Variants in CCDC82 observed in about 807,000 individuals in gnomAD.
The protein encoded by CCDC82 is coiled-coil domain containing 82.
A neutral mutation model predicts 60.6 loss-of-function variants in CCDC82; 47 were observed. The observed-to-expected ratio is 0.77, with a 90% CI of 0.61 to 0.99. The LOEUF (loss-of-function observed/expected upper bound fraction) is 0.99, where lower values mean the gene tolerates loss of function less well. CCDC82 is among the 50% of genes least tolerant of loss of function. CCDC82 has a pLI of 0.00. For synonymous variants in CCDC82, 212 were observed against 207.4 expected, an observed-to-expected ratio of 1.02 and a Z score of -0.19; for missense variants, 588 against 633.0, an observed-to-expected ratio of 0.93 and a Z score of 0.76.
intron 7 of CCDC82, among the ~76,000 whole-genome samples, chr11:96,368,023 GTTGGCCAGTCTGGTC>G (rs1865044542): frequency 6.6e-6 from 1 of 152,012 alleles, no homozygotes; most frequent in South Asian, 2.1e-4. Context: ...GTTTCACCAT[GTTGGCCAGTCTGGTC>G]TCAAACTCCT....
chr11:96,375,925 C>T (rs1865546515), intron 5 of CCDC82, among the ~76,000 whole-genome samples: 1 of 152,200 alleles, frequency 6.6e-6, no homozygotes, highest in African/African-American at 2.4e-5. Flanking sequence ...GCTCAGCTCT[C>T]CTTCAGAGCT....
At chr11:96,357,174 T>G (rs12422137) in intron 9 of CCDC82, 1 of 985,270 alleles carries the variant, frequency 1.0e-6, no homozygotes, top group East Asian at 1.1e-4. Context: ...GTGACAAATT[T>G]TGAAATTTCA....
chr11:96,359,209 C>G, intron 8 of CCDC82, 31 bp from the exon 9 acceptor site: 1 of 1,523,002 alleles, frequency 6.6e-7, no homozygotes, highest in East Asian at 2.4e-5. Context: ...TGTTATCTGA[C>G]AACGAATATA....
chr11:96,388,944 T>G (rs1440340307), intron 1 of CCDC82: 1 of 152,186 alleles, frequency 6.6e-6, no homozygotes, highest in Non-Finnish European at 1.5e-5. Context: ...CAAATAAACA[T>G]GGTCTCTGCT....
intron 1 of CCDC82, 114 bp downstream of exon 1, chr11:96,389,730 C>T (rs1406332425): frequency 1.3e-5 from 2 of 152,484 alleles, no homozygotes; most frequent in Non-Finnish European, 2.9e-5. Context: ...GGGAATTTTT[C>T]TCTTAGTCCG....
At position 96,373,446 on chromosome 11, in the gene CCDC82, G is replaced by A. The variant is rs777706734; in HGVS notation, c.1013C>T (p.Thr338Ile). The change falls in exon 6 of 10, where the codon ACT (threonine) becomes ATT (isoleucine). Residue 338 changes from threonine (T) to isoleucine (I), a missense_variant. Thr to Ile is a moderately conservative substitution (Grantham distance 89). Coordinates refer to ENST00000646818, the MANE Select transcript of CCDC82 (RefSeq NM_024725.4). ...NSLYSFSDHY[T>I]HFERVVKALL... ...AGCCTTCACAACTCTTTCAAAATGA[G>A]TATAGTGGTCACTAAAAGAATCTGA... The A allele has an allele frequency of 1.2e-6, 2 of 1,600,866 alleles. No individual in the cohort carries two copies. The highest frequency in any genetic ancestry group is 2.2e-5 in the East Asian group (1 of 44,710).
chr11:96,371,409 C>A (rs1301861334), intron 6 of CCDC82, among the ~76,000 whole-genome samples: 1 of 152,058 alleles, frequency 6.6e-6, no homozygotes, highest in African/African-American at 2.4e-5. Context: ...GGTGAAACCC[C>A]ATCTCTACTA....
At chr11:96,381,604 G>A (rs947817271) in intron 5 of CCDC82, 1 of 151,614 alleles carries the variant, frequency 6.6e-6, no homozygotes, top group African/African-American at 2.4e-5. Flanking sequence ...AGAATTATAG[G>A]AATCATAATA....
At chr11:96,380,039 C>A (rs1435142166) in intron 5 of CCDC82, among the ~76,000 whole-genome samples, 1 of 151,724 alleles carries the variant, frequency 6.6e-6, no homozygotes, top group African/African-American at 2.4e-5. Context: ...GAAGAGCATT[C>A]TGAAAGTGAG....
At position 96,376,055 on chromosome 11, in the gene CCDC82, T is replaced by C. The variant is rs149579633; in HGVS notation, c.992-2588A>G. 2.6e-5 allele frequency among the ~76,000 whole-genome samples: 4 copies of C among 152,344 alleles called. No homozygotes were observed. The East Asian group carries it at 7.7e-4, about 29-fold the overall frequency. On this transcript the variant is annotated intron_variant, in intron 5 of 9. Coordinates refer to ENST00000646818, the MANE Select transcript of CCDC82 (RefSeq NM_024725.4). The stretch of plus-strand genomic sequence containing the variant: ...TTTTCCCCATGACTATTTAAAAAAC[T>C]GGAAAAAGTATTAAAGAGGAAACTA...
chr11:96,376,277 A>G (rs954617679), intron 5 of CCDC82, among the ~76,000 whole-genome samples: 2 of 152,150 alleles, frequency 1.3e-5, no homozygotes, highest in African/African-American at 4.8e-5. Flanking sequence ...ATTGTTTTGC[A>G]AAGTTTAACC....
At chr11:96,367,820 CTTT>C (rs777554159) in intron 7 of CCDC82, among the ~76,000 whole-genome samples, 11 of 122,718 alleles carry the variant, frequency 9.0e-5, no homozygotes, top group Admixed American at 1.8e-4. Flanking sequence ...AAATGTATTT[CTTT>C]TTTTTTTTTT....
At chr11:96,388,809 A>AT (rs530749509) in intron 1 of CCDC82, 7 of 152,210 alleles carry the variant, frequency 4.6e-5, no homozygotes, top group Non-Finnish European at 7.4e-5. Context: ...GGTGTAAAAC[A>AT]TCACTCCTCT....
rs547816155 is a variant in CCDC82 at position 96,375,257 on chromosome 11, T to C, written c.992-1790A>G. ...AAGGTATCATTCTTGAATGTCCTTA[T>C]GCCCAGTGCTACTCATTTGCTATAG... is the stretch of plus-strand genomic sequence containing the variant. On this transcript the variant is annotated intron_variant, in intron 5 of 9. Coordinates refer to ENST00000646818, the MANE Select transcript of CCDC82 (RefSeq NM_024725.4). 2.0e-5 allele frequency among the ~76,000 whole-genome samples: 3 copies of C among 152,338 alleles called. No individual in the cohort carries two copies. In the East Asian group the frequency reaches 5.8e-4, roughly 29 times the overall value.
At chr11:96,357,015 G>A (rs1864382693) in intron 9 of CCDC82, 1 of 985,374 alleles carries the variant, frequency 1.0e-6, no homozygotes, top group African/African-American at 1.7e-5. Context: ...AAGTAACACT[G>A]AGCCCCAGGC....
chr11:96,360,634 G>C (rs1008079300), intron 8 of CCDC82, among the ~76,000 whole-genome samples: 6 of 152,164 alleles, frequency 3.9e-5, no homozygotes, highest in Admixed American at 2.6e-4. Context: ...TTAAGTATTT[G>C]TGTCTGTACC....
intron 8 of CCDC82, chr11:96,364,734 C>A: frequency 3.0e-6 from 1 of 337,280 alleles, no homozygotes; most frequent in Non-Finnish European, 5.4e-6. Flanking sequence ...AGCATCTTAA[C>A]TATGTGGTGA....
At position 96,365,468 on chromosome 11, in the gene CCDC82, A is replaced by G. The variant is rs555539564; in HGVS notation, c.1210-318T>C. 1.9e-3 allele frequency among the ~76,000 whole-genome samples: 297 copies of G among 152,314 alleles called. 2 individuals are homozygous for G. The highest frequency in any genetic ancestry group is 7.0e-3 in the African/African-American group (289 of 41,582). On this transcript the variant is annotated intron_variant, in intron 7 of 9. Transcript: ENST00000646818. The stretch of plus-strand genomic sequence containing the variant: ...GTTAGTGTTAATGAGGTATTAGTTA[A>G]AAATAGGAGCAGCAAAAATGTAGGA...
At chr11:96,362,286 T>G (rs1328710992) in intron 8 of CCDC82, among the ~76,000 whole-genome samples, 1 of 152,206 alleles carries the variant, frequency 6.6e-6, no homozygotes, top group Non-Finnish European at 1.5e-5. Context: ...CAGCTCCTTA[T>G]GGAAGTTAAA....
Sources: gnomAD v4.1 joint callset for allele counts (sites outside exome capture counted in the v4.1 genomes callset) on GRCh38, gnomAD v4.1.1 for gene constraint, MANE v1.5 for transcripts, NCBI Gene and HGNC (gene_info 2026-07-23, HGNC 2026-07-21) for gene names.